Variants in STX12 observed in about 807,000 individuals in gnomAD.
STX12 encodes syntaxin-12.
A neutral mutation model predicts 42.2 loss-of-function variants in STX12; 17 were observed. The ratio of observed to expected loss-of-function variants is 0.40; its 90% CI spans 0.28 to 0.60. The LOEUF is 0.60. STX12 is among the 20% of genes least tolerant of loss of function. The probability of loss-of-function intolerance (pLI) is 0.39; values close to 1 mark genes in which losing one functional copy is unlikely to be tolerated. For missense variants in STX12, 297 were observed against 330.9 expected (o/e 0.90, Z 0.79); for synonymous variants, 108 against 116.7 (o/e 0.93, Z 0.48).
At chr1:27,784,944 G>C (rs1279182074) in intron 1 of STX12, among the ~76,000 whole-genome samples, 2 of 151,162 alleles carry the variant, frequency 1.3e-5, no homozygotes, top group African/African-American at 2.4e-5. Context: ...CCCAAATTTA[G>C]GTCATCCCAA....
intron 3 of STX12, among the ~76,000 whole-genome samples, chr1:27,794,281 C>T (rs958160134): frequency 6.6e-6 from 1 of 152,208 alleles, no homozygotes; most frequent in African/African-American, 2.4e-5. Flanking sequence ...CCCACCTCAG[C>T]CTCCCAAAGT....
intron 2 of STX12, among the ~76,000 whole-genome samples, chr1:27,791,569 A>G (rs2088741404): frequency 6.6e-6 from 1 of 151,934 alleles, no homozygotes; most frequent in South Asian, 2.1e-4. Context: ...TAATCCCAGC[A>G]CTCTGGGAGG....
At chr1:27,791,135 C>T (rs1316088552) in intron 2 of STX12, among the ~76,000 whole-genome samples, 1 of 151,930 alleles carries the variant, frequency 6.6e-6, no homozygotes, top group African/African-American at 2.4e-5. Flanking sequence ...GTGGCGCGTG[C>T]CTGTAATCCC....
At chr1:27,802,035 A>G in intron 4 of STX12, 1 of 336,392 alleles carries the variant, frequency 3.0e-6, no homozygotes, top group Non-Finnish European at 5.3e-6. Flanking sequence ...AACTATGTCT[A>G]ATTTTCTTTT....
At chr1:27,810,772 G>A (rs2088897243) in intron 5 of STX12, among the ~76,000 whole-genome samples, 1 of 152,090 alleles carries the variant, frequency 6.6e-6, no homozygotes, top group Non-Finnish European at 1.5e-5. Flanking sequence ...TGTATTTGTG[G>A]TATTAGTTCA....
intron 5 of STX12, among the ~76,000 whole-genome samples, chr1:27,811,353 A>C (rs1227896843): frequency 6.7e-6 from 1 of 149,932 alleles, no homozygotes; most frequent in African/African-American, 2.5e-5. Flanking sequence ...GCCTGTAATC[A>C]CAGCACTTTG....
At chr1:27,773,545 G>A (rs2088610152) in intron 1 of STX12, 120 bp downstream of exon 1, 7 of 889,710 alleles carry the variant, frequency 7.9e-6, no homozygotes, top group Non-Finnish European at 1.2e-5. Flanking sequence ...GCTGTCTCGG[G>A]CTGTCCACCC....
chr1:27,786,399 AT>A (rs2088699282), intron 1 of STX12, among the ~76,000 whole-genome samples: 3 of 152,132 alleles, frequency 2.0e-5, no homozygotes, highest in African/African-American at 7.2e-5. Context: ...TGACCACTCT[AT>A]ATAACTAGTA....
intron 7 of STX12, among the ~76,000 whole-genome samples, chr1:27,819,002 A>G (rs1274054153): frequency 1.3e-5 from 2 of 152,030 alleles, no homozygotes; most frequent in Non-Finnish European, 2.9e-5. Context: ...TAGGCTGGGC[A>G]TGGTTGCTCA....
intron 1 of STX12, 119 bp from the exon 2 acceptor site, chr1:27,789,443 A>G (rs1447669661): frequency 1.7e-5 from 11 of 641,642 alleles, no homozygotes; most frequent in African/African-American, 5.6e-5. Flanking sequence ...CATGGTCTCT[A>G]TTAGTTGCAT....
chr1:27,803,055 G>C (rs1376422942), intron 4 of STX12, among the ~76,000 whole-genome samples: 1 of 152,048 alleles, frequency 6.6e-6, no homozygotes, highest in Non-Finnish European at 1.5e-5. Context: ...GGTTAAATAC[G>C]GAAGAAAGAT....
chr1:27,791,045 G>A (rs541700123), intron 2 of STX12, among the ~76,000 whole-genome samples: 45 of 152,310 alleles, frequency 3.0e-4, no homozygotes, highest in Non-Finnish European at 5.1e-4. Context: ...CAGATCACCC[G>A]AGGTCGGGAG....
At chr1:27,821,168 TAA>T (rs879596474) in intron 8 of STX12, among the ~76,000 whole-genome samples, 6 of 138,954 alleles carry the variant, frequency 4.3e-5, no homozygotes, top group African/African-American at 2.6e-5. Flanking sequence ...AACGTATAAT[TAA>T]AAAAAAAAAA....
chr1:27,816,054 G>A (rs1294717575), intron 6 of STX12, among the ~76,000 whole-genome samples: 1 of 151,912 alleles, frequency 6.6e-6, no homozygotes, highest in Non-Finnish European at 1.5e-5. Flanking sequence ...ACAAGCTCAC[G>A]CCTGTAATCC....
chr1:27,817,815 G>A (rs778462207), intron 6 of STX12, 36 bp from the exon 7 acceptor site: 13 of 1,588,738 alleles, frequency 8.2e-6, no homozygotes, highest in African/African-American at 1.3e-5. Context: ...CTAACATGTT[G>A]CTTAATGTTA....
intron 3 of STX12, among the ~76,000 whole-genome samples, chr1:27,799,615 A>G (rs2088813530): frequency 6.7e-6 from 1 of 148,624 alleles, no homozygotes; most frequent in African/African-American, 2.5e-5. Flanking sequence ...CCCAAGTGGC[A>G]AAGGACTACA....
At chr1:27,809,258 T>C (rs796877759) in intron 4 of STX12, among the ~76,000 whole-genome samples, 119 of 150,478 alleles carry the variant, frequency 7.9e-4, no homozygotes, top group African/African-American at 2.8e-3. Flanking sequence ...CGCTTGAACC[T>C]GGGAGGCAGA....
chr1:27,791,180 G>A (rs2088738411), intron 2 of STX12, among the ~76,000 whole-genome samples: 1 of 152,144 alleles, frequency 6.6e-6, no homozygotes, highest in Non-Finnish European at 1.5e-5. Context: ...AGAATCACTT[G>A]AACCTGGGAG....
intron 4 of STX12, among the ~76,000 whole-genome samples, chr1:27,806,825 A>C (rs1324447488): frequency 2.0e-5 from 3 of 152,162 alleles, no homozygotes; most frequent in African/African-American, 7.2e-5. Flanking sequence ...AGGGGAGGCA[A>C]GGCATGTCTT....
Sources: gnomAD v4.1 joint callset for allele counts (sites outside exome capture counted in the v4.1 genomes callset) on GRCh38, gnomAD v4.1.1 for gene constraint, MANE v1.5 for transcripts, NCBI Gene and HGNC (gene_info 2026-07-23, HGNC 2026-07-21) for gene names.